CSMD1: variants seen among roughly 807,000 people sequenced by gnomAD.
CSMD1 encodes the protein CUB and Sushi multiple domains 1.
Under a neutral mutation model 417.5 loss-of-function variants are expected in CSMD1, and 213 were observed. The observed-to-expected ratio is 0.51, with a 90% CI of 0.46 to 0.57. CSMD1 has a LOEUF of 0.57. CSMD1 is among the 20% of genes least tolerant of loss of function. The pLI, the probability that CSMD1 is intolerant of heterozygous loss-of-function variation, is 0.00. For missense variants in CSMD1, 6,923 were observed against 4,529.7 expected, an observed-to-expected ratio of 1.53 and a Z score of -15.17; for synonymous variants, 2,862 against 1,736.8, an observed-to-expected ratio of 1.65 and a Z score of -16.11.
At chr8:4,884,491 T>G (rs1053367358) in intron 1 of CSMD1, among the ~76,000 whole-genome samples, 1 of 152,204 alleles carries the variant, frequency 6.6e-6, no homozygotes, top group Admixed American at 6.5e-5. Context: ...GTGTTTTCTT[T>G]GTAAGGATTT....
At chr8:4,317,344 C>G (rs1798992797) in intron 3 of CSMD1, among the ~76,000 whole-genome samples, 1 of 152,158 alleles carries the variant, frequency 6.6e-6, no homozygotes, top group Non-Finnish European at 1.5e-5. Context: ...TGAAATTAGA[C>G]TCCCACGTCT....
intron 1 of CSMD1, among the ~76,000 whole-genome samples, chr8:4,896,619 G>A (rs1804499598): frequency 6.6e-6 from 1 of 152,072 alleles, no homozygotes; most frequent in Non-Finnish European, 1.5e-5. Flanking sequence ...CTGAGTCCCA[G>A]TGGAAAAACA....
At chr8:3,922,297 G>C (rs927250199) in intron 5 of CSMD1, among the ~76,000 whole-genome samples, 5 of 151,758 alleles carry the variant, frequency 3.3e-5, no homozygotes, top group South Asian at 4.2e-4. Flanking sequence ...CTTTTAAAAA[G>C]CATATAGTTG....
Position 4,828,142 on chromosome 8 carries a change from G to T in CSMD1, c.85+166190C>A, listed in dbSNP as rs114665825. Among the ~76,000 whole-genome samples the T allele has an allele frequency of 5.7e-3, 865 of 152,130 alleles. 10 individuals carry two copies. The highest frequency in any genetic ancestry group is 0.02 in the African/African-American group (837 of 41,508). On this transcript the variant is annotated intron_variant, in intron 1 of 69. Coordinates refer to ENST00000635120, the MANE Select transcript of CSMD1 (RefSeq NM_033225.6). ...TTTCCATCACTACAACTTATCCCAC[G>T]AGGAAATTCACTTCCATCCCACAAA...
At chr8:3,771,954 T>C (rs1236341757) in intron 5 of CSMD1, among the ~76,000 whole-genome samples, 2 of 152,004 alleles carry the variant, frequency 1.3e-5, no homozygotes, top group African/African-American at 4.8e-5. Flanking sequence ...TAATGTCTAC[T>C]GGCATTCAGC....
chr8:3,117,065 T>C (rs192814988), intron 42 of CSMD1, among the ~76,000 whole-genome samples: 34 of 152,220 alleles, frequency 2.2e-4, no homozygotes, highest in Non-Finnish European at 3.7e-4. Flanking sequence ...TAGTTATTTT[T>C]TATTTTATTT....
chr8:4,390,392 G>T (rs1448017845), intron 3 of CSMD1, among the ~76,000 whole-genome samples: 2 of 152,116 alleles, frequency 1.3e-5, no homozygotes, highest in African/African-American at 2.4e-5. Context: ...TGTTGTCAAT[G>T]TAACAGGAGA....
intron 15 of CSMD1, among the ~76,000 whole-genome samples, chr8:3,402,044 G>C (rs1328323843): frequency 6.6e-6 from 1 of 151,218 alleles, no homozygotes; most frequent in South Asian, 2.1e-4. Context: ...ACCCCTTCTT[G>C]ATTACATATG....
rs575877752 is a variant in CSMD1, at chr8:3,997,201, G to A, written c.818+702C>T. On this transcript the variant is annotated intron_variant, in intron 5 of 69. Transcript: ENST00000635120. ...TGACTTAATTCAAGATAGAAATTAA[G>A]GCCTTAAACATCTATGCTATGTTTT... Among the ~76,000 whole-genome samples the A allele has an allele frequency of 1.1e-3, 171 of 152,238 alleles. 1 individual carries two copies. The highest frequency in any genetic ancestry group is 4.0e-3 in the African/African-American group (168 of 41,532).
intron 1 of CSMD1, among the ~76,000 whole-genome samples, chr8:4,662,410 G>T (rs967662594): frequency 1.3e-5 from 2 of 152,148 alleles, no homozygotes; most frequent in Non-Finnish European, 1.5e-5. Context: ...TCTACAAAAA[G>T]ACCACATTGA....
intron 1 of CSMD1, among the ~76,000 whole-genome samples, chr8:4,737,631 T>G (rs998364799): frequency 6.6e-6 from 1 of 152,214 alleles, no homozygotes; most frequent in Non-Finnish European, 1.5e-5. Context: ...TACACATTTT[T>G]TACCAAATGG....
intron 1 of CSMD1, among the ~76,000 whole-genome samples, chr8:4,907,892 C>A (rs1010693080): frequency 6.6e-6 from 1 of 151,998 alleles, no homozygotes; most frequent in Non-Finnish European, 1.5e-5. Context: ...TATCCTGCAG[C>A]CATAACAAAA....
At chr8:4,383,880 T>A (rs1348591038) in intron 3 of CSMD1, among the ~76,000 whole-genome samples, 1 of 152,216 alleles carries the variant, frequency 6.6e-6, no homozygotes, top group Non-Finnish European at 1.5e-5. Context: ...AGAAAATATC[T>A]TAAAATATAT....
intron 1 of CSMD1, among the ~76,000 whole-genome samples, chr8:4,932,050 TC>T (rs1807283760): frequency 6.6e-6 from 1 of 151,454 alleles, no homozygotes; most frequent in Non-Finnish European, 1.5e-5. Flanking sequence ...TGCTAACATT[TC>T]TTTGGTATAT....
chr8:3,049,927 A>G (rs967126051), intron 50 of CSMD1, among the ~76,000 whole-genome samples: 1 of 152,014 alleles, frequency 6.6e-6, no homozygotes, highest in Non-Finnish European at 1.5e-5. Context: ...ACCTAAAACT[A>G]CTCTCGAGAA....
At chr8:3,846,430 C>G (rs560669262) in intron 5 of CSMD1, among the ~76,000 whole-genome samples, 26 of 152,150 alleles carry the variant, frequency 1.7e-4, no homozygotes, top group African/African-American at 6.0e-4. Context: ...TTAGCCCCAA[C>G]TGATCAAGAA....
chr8:3,428,249 AC>A (rs146496782), intron 12 of CSMD1, among the ~76,000 whole-genome samples: 2,772 of 152,196 alleles, frequency 0.018, 57 homozygotes, highest in East Asian at 0.1. Flanking sequence ...GGAAGGGGGG[AC>A]CTTAAAAGTC....
intron 1 of CSMD1, among the ~76,000 whole-genome samples, chr8:4,905,605 G>A (rs921669973): frequency 4.0e-5 from 6 of 151,838 alleles, no homozygotes; most frequent in East Asian, 2.0e-4. Context: ...CCATCACGAG[G>A]TCATGAGATC....
chr8:4,630,167 A>G (rs1802424743), intron 2 of CSMD1, among the ~76,000 whole-genome samples: 1 of 152,138 alleles, frequency 6.6e-6, no homozygotes, highest in African/African-American at 2.4e-5. Flanking sequence ...TATTGCAAAC[A>G]TAATTATTAT....
Sources: allele counts gnomAD v4.1 joint callset (sites outside exome capture counted in the v4.1 genomes callset), GRCh38; gene constraint gnomAD v4.1.1; transcripts MANE v1.5; gene names NCBI Gene and HGNC (gene_info 2026-07-23, HGNC 2026-07-21).